Variants in COL23A1 observed in about 807,000 individuals in gnomAD.
COL23A1 encodes the protein collagen type XXIII alpha 1 chain.
In COL23A1, 97 loss-of-function variants were observed where a neutral mutation model predicts 99.3. The ratio of observed to expected loss-of-function variants is 0.98; its 90% CI spans 0.83 to 1.16. The LOEUF is 1.16. Ranked by LOEUF, COL23A1 falls within the 50% of genes most tolerant of loss-of-function variation. The probability of loss-of-function intolerance (pLI) is 0.00; values close to 1 mark genes in which losing one functional copy is unlikely to be tolerated. For missense variants in COL23A1, 762 were observed against 757.4 expected, an observed-to-expected ratio of 1.01 and a Z score of -0.07; for synonymous variants, 320 against 308.2, an observed-to-expected ratio of 1.04 and a Z score of -0.40.
intron 18 of COL23A1, 41 bp downstream of exon 18, chr5:178,250,020 C>G: frequency 6.2e-7 from 1 of 1,608,706 alleles, no homozygotes; most frequent in Non-Finnish European, 8.5e-7. Context: ...GAGCCCAATA[C>G]CAGGCACTGG....
intron 3 of COL23A1, among the ~76,000 whole-genome samples, chr5:178,302,696 A>G (rs1758139722): frequency 6.6e-6 from 1 of 152,164 alleles, no homozygotes; most frequent in Admixed American, 6.5e-5. Context: ...CTCATTCCCT[A>G]TATTTTTATT....
intron 11 of COL23A1, among the ~76,000 whole-genome samples, chr5:178,260,820 T>A (rs1734091851): frequency 6.6e-6 from 1 of 151,318 alleles, no homozygotes; most frequent in South Asian, 2.1e-4. Context: ...AGATCAGTGG[T>A]GTCAGGGGCT....
At chr5:178,355,572 G>A (rs894273645) in intron 2 of COL23A1, among the ~76,000 whole-genome samples, 12 of 152,086 alleles carry the variant, frequency 7.9e-5, no homozygotes, top group Admixed American at 4.6e-4. Flanking sequence ...TTGCTCTGTT[G>A]CCCAGGCTGG....
chr5:178,425,463 AAAT>A (rs923274399), intron 2 of COL23A1, among the ~76,000 whole-genome samples: 7 of 148,374 alleles, frequency 4.7e-5, no homozygotes, highest in Admixed American at 1.3e-4. Context: ...ATAAATAAAT[AAAT>A]AAAAATAAAA....
intron 2 of COL23A1, among the ~76,000 whole-genome samples, chr5:178,481,466 G>T (rs1433109368): frequency 6.6e-6 from 1 of 152,090 alleles, no homozygotes; most frequent in Non-Finnish European, 1.5e-5. Flanking sequence ...TCATATATCT[G>T]ATAAGTGATT....
At position 178,450,346 on chromosome 5, in the gene COL23A1, G is replaced by A. The variant is rs1038573562; in HGVS notation, c.361+110336C>T. ...TCCCTTGCAGTTGGCGGAACAGATG[G>A]GAGCAGCTTCCTTCTCGGGCTCACT... On this transcript the variant is annotated intron_variant, in intron 2 of 28. Coordinates refer to ENST00000390654, the MANE Select transcript of COL23A1 (RefSeq NM_173465.4). Among the ~76,000 whole-genome samples the A allele has an allele frequency of 4.6e-4, 70 of 152,190 alleles. 2 individuals carry two copies. Among genetic ancestry groups the A allele is most frequent in the African/African-American group, 1.6e-3 (65 of 41,436 alleles).
intron 2 of COL23A1, among the ~76,000 whole-genome samples, chr5:178,381,922 C>T (rs1425843275): frequency 2.6e-5 from 4 of 152,248 alleles, no homozygotes; most frequent in Non-Finnish European, 4.4e-5. Flanking sequence ...AGGCACGAAC[C>T]ATCACACCCA....
intron 2 of COL23A1, among the ~76,000 whole-genome samples, chr5:178,327,419 C>T (rs1759749453): frequency 6.6e-6 from 1 of 152,208 alleles, no homozygotes; most frequent in African/African-American, 2.4e-5. Context: ...GCCCACCTCT[C>T]CCTGTCTCCC....
chr5:178,537,192 C>T (rs968407198), intron 2 of COL23A1, among the ~76,000 whole-genome samples: 6 of 150,910 alleles, frequency 4.0e-5, no homozygotes, highest in Admixed American at 2.0e-4. Context: ...CCTGACCACC[C>T]GTGTCCCCAT....
In COL23A1 at chr5:178,270,324, T is replaced by C. The variant is rs529727520; in HGVS notation, c.468+13A>G. 19 of 1,613,882 alleles carry C rather than the reference T, an allele frequency of 1.2e-5. No homozygotes were observed. Among genetic ancestry groups the C allele is most frequent in the Non-Finnish European group, 1.5e-5 (18 of 1,179,982 alleles). ...AGCCCAGGACCCCCTGGAATTGCCCTGTCATCACTTACGGGCTTGCCATCC... is the reference window on the plus strand; with the variant it reads ...AGCCCAGGACCCCCTGGAATTGCCCCGTCATCACTTACGGGCTTGCCATCC... On this transcript the variant is annotated intron_variant, in intron 6 of 28. Coordinates refer to ENST00000390654, the MANE Select transcript of COL23A1 (RefSeq NM_173465.4).
intron 2 of COL23A1, among the ~76,000 whole-genome samples, chr5:178,325,892 C>A (rs1759621907): frequency 6.6e-6 from 1 of 152,178 alleles, no homozygotes; most frequent in South Asian, 2.1e-4. Context: ...CGTGCCTGCG[C>A]TTGTGCCTGC....
rs571226191 is a variant in COL23A1 at position 178,429,005 on chromosome 5, G to A, written c.362-122086C>T. 1.4e-4 allele frequency among the ~76,000 whole-genome samples: 21 copies of A among 152,152 alleles called. No homozygotes were observed. In the South Asian group the frequency reaches 2.9e-3, roughly 21 times the overall value. ...TGCCCAGGCCCAGCACCCGGGGTGC[G>A]GGTGTACCTTCTTTTCTGCTCGTGA... On this transcript the variant is annotated intron_variant, in intron 2 of 28. Coordinates refer to ENST00000390654, the MANE Select transcript of COL23A1 (RefSeq NM_173465.4).
At chr5:178,251,032 T>TA (rs983930667) in intron 17 of COL23A1, among the ~76,000 whole-genome samples, 1 of 150,934 alleles carries the variant, frequency 6.6e-6, no homozygotes, top group East Asian at 1.9e-4. Context: ...ATAATTTTTT[T>TA]TTTTTTTTGA....
intron 2 of COL23A1, among the ~76,000 whole-genome samples, chr5:178,323,194 T>C (rs1342509435): frequency 6.6e-6 from 1 of 152,150 alleles, no homozygotes; most frequent in Non-Finnish European, 1.5e-5. Context: ...GTCCTCACCA[T>C]GCCCTGTGGT....
chr5:178,585,740 G>GGATGGC lies in COL23A1; in HGVS notation c.294+4163_294+4164insGCCATC, dbSNP rs1193106192. ...CGCTGGGGTAACACTCCACAGCCCTGGCTGACCCTGTTGGTTGCTCCCCAG... is the reference window on the plus strand; with the variant it reads ...CGCTGGGGTAACACTCCACAGCCCTGGATGGCGCTGACCCTGTTGGTTGCTCCCCAG... On this transcript the variant is annotated intron_variant, in intron 1 of 28. Transcript: ENST00000390654. 4.1e-3 allele frequency among the ~76,000 whole-genome samples: 621 copies of GGATGGC among 152,032 alleles called. 7 individuals are homozygous for GGATGGC. The highest frequency in any genetic ancestry group is 0.01 in the Middle Eastern group (3 of 294).
chr5:178,257,676 G>A (rs1765383822), intron 12 of COL23A1, 109 bp from the exon 13 acceptor site: 2 of 1,161,960 alleles, frequency 1.7e-6, no homozygotes, highest in Non-Finnish European at 2.5e-6. Context: ...ATCTGCACTG[G>A]CACATGGTAC....
At chr5:178,489,729 T>C (rs1195331649) in intron 2 of COL23A1, among the ~76,000 whole-genome samples, 1 of 152,162 alleles carries the variant, frequency 6.6e-6, no homozygotes, top group East Asian at 1.9e-4. Context: ...CCCCAGCTTC[T>C]TGCACCTCAC....
rs186331288 is a variant in COL23A1 at position 178,505,214 on chromosome 5, G to A, written c.361+55468C>T. 4.3e-4 allele frequency among the ~76,000 whole-genome samples: 65 copies of A among 151,944 alleles called. No homozygotes were observed. In the Middle Eastern group the frequency reaches 0.01, roughly 24 times the overall value. ...CCCATCTCCACCTTCATCTTCACTC[G>A]GTATTCTCCCAGGGTGTGTGTGTGT... On this transcript the variant is annotated intron_variant, in intron 2 of 28. Coordinates refer to ENST00000390654, the MANE Select transcript of COL23A1 (RefSeq NM_173465.4).
chr5:178,344,827 A>G (rs1760870424), intron 2 of COL23A1: 3 of 687,710 alleles, frequency 4.4e-6, no homozygotes, highest in Non-Finnish European at 2.6e-6. Context: ...GCTCAGGCCC[A>G]TGGATCTCAT....
Sources: allele counts gnomAD v4.1 joint callset (sites outside exome capture counted in the v4.1 genomes callset), GRCh38; gene constraint gnomAD v4.1.1; transcripts MANE v1.5; gene names NCBI Gene and HGNC (gene_info 2026-07-23, HGNC 2026-07-21).